Variants in AHDC1 observed in about 807,000 individuals in gnomAD.
The protein encoded by AHDC1 is AT-hook DNA binding motif containing 1, also known as transcription factor Gibbin.
Under a neutral mutation model 87.9 loss-of-function variants are expected in AHDC1, and 7 were observed. That is an observed-to-expected ratio of 0.08 (90% confidence interval 0.05 to 0.15). The LOEUF (loss-of-function observed/expected upper bound fraction) is 0.15. Among genes scored for constraint, AHDC1 ranks in the 10% least tolerant of loss-of-function variants. AHDC1 has a pLI of 1.00. For missense variants in AHDC1, 1,841 were observed against 2,253.2 expected (o/e 0.82, Z 3.70); for synonymous variants, 1,051 against 1,006.8 (o/e 1.04, Z -0.83).
At chr1:27,539,565 C>T (rs6657099) in intron 8 of AHDC1, among the ~76,000 whole-genome samples, 9,231 of 152,184 alleles carry the variant, frequency 0.061, 366 homozygotes, top group Middle Eastern at 0.11. Context: ...CCTGCCTCAG[C>T]CTCCCGAGTA....
rs2019504991 is a variant in AHDC1 at position 27,550,842 on chromosome 1, G to A, written c.1274C>T (p.Ala425Val). Residue 425 changes from alanine (A) to valine (V), a missense_variant, in exon 8 of 9, where the codon GCC (alanine) becomes GTC (valine). Ala to Val is a moderately conservative substitution (Grantham distance 64). Around this residue, in one of 13 missense-constraint regions of AHDC1, gnomAD observed 370 missense variants for 391.5 expected, o/e 0.95. Coordinates refer to ENST00000673934, the MANE Select transcript of AHDC1 (RefSeq NM_001371928.1). ...CGGTGGTGGTGGGGGTTCGGCCAGG[G>A]CAGCCACCAGCCCCGTGGGCATAGG... ...PLPMPTGLVA[A>V]LAEPPPPPPP... The A allele has an allele frequency of 1.9e-6, 3 of 1,568,944 alleles. No individual in the cohort carries two copies. Among genetic ancestry groups the A allele is most frequent in the Non-Finnish European group, 2.6e-6 (3 of 1,160,184 alleles).
intron 3 of AHDC1, among the ~76,000 whole-genome samples, chr1:27,580,248 C>T (rs910104805): frequency 3.3e-5 from 5 of 152,148 alleles, no homozygotes; most frequent in African/African-American, 1.2e-4. Context: ...GCCCCACCTC[C>T]ACCCCTTCCC....
Position 27,547,510 on chromosome 1 carries a change from C to T in AHDC1, c.4606G>A (p.Ala1536Thr), listed in dbSNP as rs1444283023. Residue 1536 changes from alanine to threonine, a missense_variant, in exon 8 of 9, where the codon GCT becomes ACT. Transcript: ENST00000673934. The surrounding 1 kb of genome is among the most constrained non-coding windows in gnomAD (Gnocchi z 4.9). ...CTAAGGAGTGGGCAGCCATAGCCAG[C>T]AGCGGCTGCAGCAGGGCCACGGGGT... The part of the protein sequence containing the change: ...GPPRGPAAAA[A>T]GYGCPLLSDL... The T allele has an allele frequency of 6.2e-7, 1 of 1,608,416 alleles. No homozygotes were observed. The highest frequency in any genetic ancestry group is 8.5e-7 in the Non-Finnish European group (1 of 1,176,646).
chr1:27,600,099 T>C (rs996133732), intron 3 of AHDC1, among the ~76,000 whole-genome samples: 6 of 151,968 alleles, frequency 3.9e-5, no homozygotes, highest in Admixed American at 1.3e-4. Context: ...TTCTTGCCTG[T>C]TTTCTCTTTC....
intron 3 of AHDC1, chr1:27,568,117 T>G (rs905418227): frequency 6.6e-6 from 1 of 151,996 alleles, no homozygotes; most frequent in Non-Finnish European, 1.5e-5. Flanking sequence ...CCCAACCCTG[T>G]GGGTGAGAAG....
chr1:27,556,168 C>T (rs2019808100), intron 5 of AHDC1, among the ~76,000 whole-genome samples: 1 of 151,880 alleles, frequency 6.6e-6, no homozygotes, highest in African/African-American at 2.4e-5. Context: ...ATCCTTGAGT[C>T]CCCAGCCCCA....
chr1:27,545,504 C>T (rs184082832), intron 8 of AHDC1, among the ~76,000 whole-genome samples: 8 of 152,104 alleles, frequency 5.3e-5, no homozygotes, highest in Admixed American at 3.3e-4. Flanking sequence ...CCCCCACACC[C>T]GTCCATTTTC....
chr1:27,598,266 A>C lies in AHDC1; in HGVS notation c.-629+5131T>G, dbSNP rs2089430875. 6.6e-6 allele frequency among the ~76,000 whole-genome samples: 1 copy of C among 152,318 alleles called. No homozygotes were observed. Among genetic ancestry groups the C allele is most frequent in the South Asian group, 2.1e-4 (1 of 4,822 alleles). On this transcript the variant is annotated intron_variant, in intron 3 of 8. Coordinates refer to ENST00000673934, the MANE Select transcript of AHDC1 (RefSeq NM_001371928.1). The surrounding 1 kb of genome is among the most constrained non-coding windows in gnomAD (Gnocchi z 4.2). ...GACCCCAGAGCAGAAGAGGAGAGAA[A>C]ACAGGGCCTCATTGCAGTTGGGTTT...
Position 27,552,185 on chromosome 1 carries a change from A to C in AHDC1, c.-70T>G. On this transcript the variant is annotated 5_prime_UTR_variant, in exon 8 of 9. Coordinates refer to ENST00000673934, the MANE Select transcript of AHDC1 (RefSeq NM_001371928.1). The stretch of plus-strand genomic sequence containing the variant: ...CATGAGGGTGCGAGAAGCCGGGACC[A>C]GGACCTGCCAGGCAGGAAGAGCAGG... 7.0e-7 allele frequency: 1 copy of C among 1,425,480 alleles called. No homozygotes were observed. Among genetic ancestry groups the C allele is most frequent in the Non-Finnish European group, 9.1e-7 (1 of 1,093,272 alleles). 88.3% of individuals were successfully genotyped at this position (1,425,480 alleles called of 1,614,324 possible). A position where few individuals can be genotyped will look rare whatever the true frequency, so the allele number is the denominator to read the frequency against.
intron 3 of AHDC1, among the ~76,000 whole-genome samples, chr1:27,573,323 C>T (rs973851549): frequency 1.3e-5 from 2 of 152,052 alleles, no homozygotes; most frequent in Admixed American, 1.3e-4. Flanking sequence ...GGGGAAGCAG[C>T]CTGCCTAACG....
At chr1:27,577,576 C>T (rs2088791241) in intron 3 of AHDC1, among the ~76,000 whole-genome samples, 1 of 152,228 alleles carries the variant, frequency 6.6e-6, no homozygotes, top group Non-Finnish European at 1.5e-5. Flanking sequence ...CTTGGAGCTG[C>T]TTCCTGCTCC....
Position 27,548,673 on chromosome 1 carries a change from T to C in AHDC1, c.3443A>G (p.Tyr1148Cys). ...EPNVILDISN[Y>C]TPQKVKQQTA... is the part of the protein sequence containing the mutation. ...CTGCTGCTTCACCTTCTGCGGTGTGTAGTTGGAGATGTCCAGGATCACGTT... is the reference window on the plus strand; with the variant it reads ...CTGCTGCTTCACCTTCTGCGGTGTGCAGTTGGAGATGTCCAGGATCACGTT... The change falls in exon 8 of 9, where the codon TAC becomes TGC. Residue 1148 changes from tyrosine to cysteine, a missense_variant. Transcript: ENST00000673934. 4 of 1,613,308 alleles carry C rather than the reference T, an allele frequency of 2.5e-6. No homozygotes were observed. Among genetic ancestry groups the C allele is most frequent in the Middle Eastern group, 1.6e-4 (1 of 6,062 alleles).
rs749017967 is a variant in AHDC1 at position 27,550,560 on chromosome 1, G to A, written c.1556C>T (p.Pro519Leu). 6.2e-7 allele frequency: 1 copy of A among 1,613,276 alleles called. No individual in the cohort carries two copies. The highest frequency in any genetic ancestry group is 8.5e-7 in the Non-Finnish European group (1 of 1,179,568). The change falls in exon 8 of 9, where the codon CCG (proline) becomes CTG (leucine). Residue 519 changes from proline to leucine, a missense_variant. Coordinates refer to ENST00000673934, the MANE Select transcript of AHDC1 (RefSeq NM_001371928.1). ...LGLRVSAEPTPLLKMKNNGRN... is the reference protein window; with the variant it reads ...LGLRVSAEPTLLLKMKNNGRN... ...CCCATTGTTCTTCATCTTCAGCAGCGGGGTGGGCTCAGCCGACACGCGCAG... is the reference window on the plus strand; with the variant it reads ...CCCATTGTTCTTCATCTTCAGCAGCAGGGTGGGCTCAGCCGACACGCGCAG...
chr1:27,595,336 T>A lies in AHDC1; in HGVS notation c.-629+8061A>T, dbSNP rs1304175477. 2.0e-5 allele frequency among the ~76,000 whole-genome samples: 3 copies of A among 151,410 alleles called. No homozygotes were observed. Among genetic ancestry groups the A allele is most frequent in the Admixed American group, 6.6e-5 (1 of 15,192 alleles). On this transcript the variant is annotated intron_variant, in intron 3 of 8. Transcript: ENST00000673934. This position sits in a 1 kb window ranked among gnomAD's most constrained non-coding sequence, Gnocchi z 4.0. The stretch of plus-strand genomic sequence containing the variant: ...CAGAGTGTGTGTGTCTGGGGAGGTG[T>A]CAGGGCTTTGAGGGTATGAGTCAGT...
chr1:27,592,112 C>G (rs1225188936), intron 3 of AHDC1, among the ~76,000 whole-genome samples: 1 of 152,168 alleles, frequency 6.6e-6, no homozygotes, highest in East Asian at 1.9e-4. Flanking sequence ...ATTAGTGAGC[C>G]TAGGCACCTG....
At chr1:27,581,849 T>A (rs959445016) in intron 3 of AHDC1, among the ~76,000 whole-genome samples, 2 of 152,142 alleles carry the variant, frequency 1.3e-5, no homozygotes, top group Admixed American at 6.5e-5. Context: ...TCCTGGCTGT[T>A]CTCTCTCATC....
In AHDC1 at chr1:27,548,463, T is replaced by C; in HGVS notation, c.3653A>G (p.Asn1218Ser). The C allele has an allele frequency of 1.9e-6, 3 of 1,613,874 alleles. No individual in the cohort carries two copies. Among genetic ancestry groups the C allele is most frequent in the South Asian group, 1.1e-5 (1 of 91,084 alleles). ...WNEASSAPGY[N>S]WNQSVLFQSS... ...CTGAAAGAGGACACTCTGGTTCCAG[T>C]TGTAGCCGGGGGCAGATGATGCCTC... Residue 1218 changes from asparagine (N) to serine (S), a missense_variant, in exon 8 of 9, where the codon AAC (asparagine) becomes AGC (serine). Asn to Ser is a conservative substitution (Grantham distance 46). Around this residue, in one of 13 missense-constraint regions of AHDC1, gnomAD observed 505 missense variants for 626.2 expected, o/e 0.81. Transcript: ENST00000673934.
chr1:27,535,218 C>T (rs1178276800), intron 8 of AHDC1, among the ~76,000 whole-genome samples: 1 of 152,164 alleles, frequency 6.6e-6, no homozygotes, highest in Non-Finnish European at 1.5e-5. Flanking sequence ...GAATCAGACA[C>T]AGCTGAGTTC....
At chr1:27,584,667 A>T (rs2088997898) in intron 3 of AHDC1, among the ~76,000 whole-genome samples, 1 of 152,060 alleles carries the variant, frequency 6.6e-6, no homozygotes, top group Non-Finnish European at 1.5e-5. Flanking sequence ...TGTGCTCTAT[A>T]GAGGCTTCTG....
Sources: allele counts gnomAD v4.1 joint callset (sites outside exome capture counted in the v4.1 genomes callset), GRCh38; gene constraint gnomAD v4.1.1; regional missense constraint gnomAD v4.1.1; non-coding constraint Gnocchi (gnomAD v3.1); transcripts MANE v1.5; gene names NCBI Gene and HGNC (gene_info 2026-07-23, HGNC 2026-07-21).